The following LUZP2 variants were observed in gnomAD, a reference collection of about 807,000 sequenced individuals.
LUZP2 encodes leucine zipper protein 2.
In LUZP2, 52 loss-of-function variants were observed where a neutral mutation model predicts 51.6. That is an observed-to-expected ratio of 1.01 (90% confidence interval 0.81 to 1.27). LUZP2 has a LOEUF of 1.27. Ranked by LOEUF, LUZP2 falls within the 50% of genes most tolerant of loss-of-function variation. The probability of loss-of-function intolerance (pLI) is 0.00; values close to 1 mark genes in which losing one functional copy is unlikely to be tolerated. For synonymous variants in LUZP2, 154 were observed against 137.3 expected (o/e 1.12, Z -0.85); for missense variants, 436 against 395.4 (o/e 1.10, Z -0.87).
At chr11:24,901,416 T>C (rs1439316694) in intron 5 of LUZP2, among the ~76,000 whole-genome samples, 1 of 136,792 alleles carries the variant, frequency 7.3e-6, no homozygotes, top group Non-Finnish European at 1.6e-5. Context: ...AAAAAAAAGG[T>C]AACTTGAAGA....
At chr11:25,025,259 C>A (rs1857457242) in intron 9 of LUZP2, among the ~76,000 whole-genome samples, 1 of 151,996 alleles carries the variant, frequency 6.6e-6, no homozygotes, top group Admixed American at 6.6e-5. Flanking sequence ...GTCTAAAACA[C>A]CAAAAGCTAT....
intron 7 of LUZP2, among the ~76,000 whole-genome samples, chr11:24,965,649 A>T (rs999867980): frequency 1.3e-5 from 2 of 151,864 alleles, no homozygotes; most frequent in Non-Finnish European, 3.0e-5. Flanking sequence ...CTAGTATGAT[A>T]ATTTTACATA....
intron 10 of LUZP2, among the ~76,000 whole-genome samples, chr11:25,056,834 C>T (rs1188615902): frequency 6.6e-6 from 1 of 152,146 alleles, no homozygotes; most frequent in Non-Finnish European, 1.5e-5. Context: ...GGCGCCGTGG[C>T]TCATGCCTGT....
intron 7 of LUZP2, among the ~76,000 whole-genome samples, chr11:24,917,331 T>A (rs1310190498): frequency 1.3e-5 from 2 of 152,198 alleles, no homozygotes; most frequent in Non-Finnish European, 2.9e-5. Flanking sequence ...AGAAGCTTTT[T>A]AGTTTGATTA....
At chr11:24,666,503 C>T (rs1565064590) in intron 1 of LUZP2, among the ~76,000 whole-genome samples, 1 of 152,068 alleles carries the variant, frequency 6.6e-6, no homozygotes, top group Non-Finnish European at 1.5e-5. Context: ...TGGAAAGAAA[C>T]AAATAGCTAA....
Position 24,763,292 on chromosome 11 carries a change from G to T in LUZP2, c.380G>T (p.Arg127Leu). 7.3e-7 allele frequency: 1 copy of T among 1,377,656 alleles called. No individual in the cohort carries two copies. Among genetic ancestry groups the T allele is most frequent in the Non-Finnish European group, 9.6e-7 (1 of 1,041,190 alleles). 85.3% of individuals were successfully genotyped at this position (1,377,656 alleles called of 1,614,324 possible). The change falls in exon 5 of 12, where the codon CGA (arginine) becomes CTA (leucine). Residue 127 changes from arginine (R) to leucine (L), a missense_variant. Arg to Leu is a moderately radical substitution (Grantham distance 102). Transcript: ENST00000336930. Reference protein sequence around the residue: ...TEVERKSKMIRDLQNENKSLK... With the variant: ...TEVERKSKMILDLQNENKSLK... ...GTTGAAAGAAAGAGCAAAATGATCCGAGACCTCCAGAATGAGGTAAGATAT... is the reference window on the plus strand; with the variant it reads ...GTTGAAAGAAAGAGCAAAATGATCCTAGACCTCCAGAATGAGGTAAGATAT...
At chr11:24,870,027 T>C (rs554829954) in intron 5 of LUZP2, among the ~76,000 whole-genome samples, 1 of 152,290 alleles carries the variant, frequency 6.6e-6, no homozygotes, top group Non-Finnish European at 1.5e-5. Context: ...AACAGCCTTA[T>C]TGCTGATAGG....
At chr11:24,690,901 T>C (rs932113102) in intron 1 of LUZP2, among the ~76,000 whole-genome samples, 10 of 152,092 alleles carry the variant, frequency 6.6e-5, no homozygotes, top group African/African-American at 2.4e-4. Flanking sequence ...ATTTGTAAAC[T>C]GCTTCATTTA....
chr11:24,589,466 T>C (rs764712337), intron 1 of LUZP2, among the ~76,000 whole-genome samples: 29 of 152,216 alleles, frequency 1.9e-4, no homozygotes, highest in Non-Finnish European at 3.2e-4. Context: ...ATCTGTGATT[T>C]ATTAACTTGC....
intron 5 of LUZP2, among the ~76,000 whole-genome samples, chr11:24,764,490 TAAAAAAAAA>T (rs869045272): frequency 0.018 from 1,705 of 94,046 alleles, 53 homozygotes; most frequent in African/African-American, 0.058. Flanking sequence ...ATCTCATCTC[TAAAAAAAAA>T]AAAAAAAAAA....
intron 2 of LUZP2, among the ~76,000 whole-genome samples, chr11:24,729,640 G>A (rs1011066463): frequency 4.6e-5 from 7 of 151,786 alleles, no homozygotes; most frequent in East Asian, 3.9e-4. Context: ...AATTCCCCAC[G>A]GGATAATTCT....
At chr11:24,531,494 T>C (rs557805658) in intron 1 of LUZP2, among the ~76,000 whole-genome samples, 8 of 151,032 alleles carry the variant, frequency 5.3e-5, no homozygotes, top group African/African-American at 1.9e-4. Flanking sequence ...TTTATCATAG[T>C]CACCCTATAG....
intron 5 of LUZP2, among the ~76,000 whole-genome samples, chr11:24,778,169 G>A (rs1306395723): frequency 6.6e-6 from 1 of 152,064 alleles, no homozygotes; most frequent in Non-Finnish European, 1.5e-5. Flanking sequence ...TGGAGGCTGA[G>A]GTGAGAGGAA....
chr11:24,505,343 A>G (rs1198240155), intron 1 of LUZP2, among the ~76,000 whole-genome samples: 1 of 152,134 alleles, frequency 6.6e-6, no homozygotes, highest in Non-Finnish European at 1.5e-5. Context: ...ATGGGGTTAA[A>G]TCCAAAAGAA....
chr11:24,712,402 C>A (rs1857866714), intron 1 of LUZP2, among the ~76,000 whole-genome samples: 2 of 151,518 alleles, frequency 1.3e-5, no homozygotes, highest in Non-Finnish European at 2.9e-5. Context: ...AGAGTGAGAT[C>A]CTGCCTAAAA....
intron 9 of LUZP2, among the ~76,000 whole-genome samples, chr11:25,044,051 A>ATAAGACTATATATATATCTGG: frequency 4.3e-5 from 2 of 46,760 alleles, no homozygotes; most frequent in Admixed American, 2.3e-4. Context: ...TATATATCTG[A>ATAAGACTATATATATATCTGG]TATATATAGA....
intron 1 of LUZP2, among the ~76,000 whole-genome samples, chr11:24,517,310 C>T (rs1046447426): frequency 1.3e-5 from 2 of 151,120 alleles, no homozygotes; most frequent in African/African-American, 4.9e-5. Context: ...ACAGTGAAAC[C>T]CCGTCTCTAC....
intron 5 of LUZP2, among the ~76,000 whole-genome samples, chr11:24,809,362 A>G (rs1039599788): frequency 1.3e-5 from 2 of 152,116 alleles, no homozygotes; most frequent in Non-Finnish European, 2.9e-5. Context: ...CATGTCACAG[A>G]TGATCATTGA....
At chr11:24,615,644 C>T (rs1359083842) in intron 1 of LUZP2, among the ~76,000 whole-genome samples, 1 of 151,938 alleles carries the variant, frequency 6.6e-6, no homozygotes, top group Admixed American at 6.6e-5. Flanking sequence ...TAAGTTTTCA[C>T]TTATTTGGGA....
Sources: allele counts gnomAD v4.1 joint callset (sites outside exome capture counted in the v4.1 genomes callset), GRCh38; gene constraint gnomAD v4.1.1; transcripts MANE v1.5; gene names NCBI Gene and HGNC (gene_info 2026-07-23, HGNC 2026-07-21).